GRIN2D: variants seen among roughly 807,000 people sequenced by gnomAD.
GRIN2D encodes the protein glutamate ionotropic receptor NMDA type subunit 2D, also known as glutamate receptor ionotropic, NMDA 2D.
Under a neutral mutation model 103.2 loss-of-function variants are expected in GRIN2D, and 37 were observed. The ratio of observed to expected loss-of-function variants is 0.36; its 90% confidence interval spans 0.28 to 0.47. GRIN2D has a LOEUF of 0.47. Ranked by LOEUF, GRIN2D falls within the 20% of genes least tolerant of loss-of-function variation. GRIN2D has a pLI of 1.00. For missense variants in GRIN2D, 1,557 were observed against 1,910.6 expected (o/e 0.81, Z 3.45); for synonymous variants, 845 against 885.6 (o/e 0.95, Z 0.81).
chr19:48,433,829 C>T (rs563350295), intron 11 of GRIN2D, among the ~76,000 whole-genome samples: 2 of 152,292 alleles, frequency 1.3e-5, no homozygotes, highest in South Asian at 2.1e-4. Flanking sequence ...CCTTTTTCCA[C>T]GGAGAAAGCC....
chr19:48,442,369 T>C lies in GRIN2D; in HGVS notation c.2660T>C (p.Leu887Pro). 6.8e-6 allele frequency: 11 copies of C among 1,611,170 alleles called. No homozygotes were observed. The highest frequency in any genetic ancestry group is 9.3e-6 in the Non-Finnish European group (11 of 1,179,594). ...CCCACCCACCGCATGGACTTCCTGC[T>C]GGCCTTCTCCAGGGTATGGGGCAGA... Reference protein sequence around the residue: ...LGPTHRMDFLLAFSRGMYSCC... With the variant: ...LGPTHRMDFLPAFSRGMYSCC... Residue 887 changes from leucine (L) to proline (P), a missense_variant, in exon 13 of 14, where the codon CTG becomes CCG. Physicochemically the swap from Leu to Pro is moderately conservative, Grantham distance 98 (BLOSUM62 -3). Around this residue, in one of 7 missense-constraint regions of GRIN2D, gnomAD observed 632 missense variants for 572.8 expected, o/e 1.10. Transcript: ENST00000263269. This position sits in a 1 kb window ranked among gnomAD's most constrained non-coding sequence, Gnocchi z 7.2.
rs1363707545 is a variant in GRIN2D, at chr19:48,421,654, G to C, written c.2092-131G>C. 1.4e-6 allele frequency: 1 copy of C among 703,642 alleles called. No homozygotes were observed. The highest frequency in any genetic ancestry group is 2.6e-5 in the Admixed American group (1 of 38,196). 43.6% of individuals were successfully genotyped at this position (703,642 alleles called of 1,614,324 possible). On this transcript the variant is annotated intron_variant, in intron 10 of 13. Transcript: ENST00000263269. The surrounding 1 kb of genome is among the most constrained non-coding windows in gnomAD (Gnocchi z 4.8). ...AAAAGCATTCCCTAATGTAGTGAGC[G>C]AGTGTTGAGAAATATTGAACACTCC...
intron 8 of GRIN2D, among the ~76,000 whole-genome samples, chr19:48,417,680 G>T (rs1002682339): frequency 2.0e-5 from 3 of 152,298 alleles, no homozygotes; most frequent in African/African-American, 4.8e-5. Context: ...GCAGCACACT[G>T]CAGAGGAGTG....
chr19:48,429,907 C>T (rs558867511), intron 11 of GRIN2D, among the ~76,000 whole-genome samples: 1 of 152,184 alleles, frequency 6.6e-6, no homozygotes, highest in South Asian at 2.1e-4. Context: ...TTCTCTCAGC[C>T]CAGAGGAATC....
At position 48,398,586 on chromosome 19, in the gene GRIN2D, A is replaced by AGGCGGCACGCCTGGGCCCGGCCGT; in HGVS notation, c.201_224dup (p.Arg68_Ala75dup). The AGGCGGCACGCCTGGGCCCGGCCGT allele has an allele frequency of 8.3e-7, 1 of 1,199,566 alleles. No homozygotes were observed. Among genetic ancestry groups the AGGCGGCACGCCTGGGCCCGGCCGT allele is most frequent in the Non-Finnish European group, 1.0e-6 (1 of 968,048 alleles). The allele number at this position is 1,199,566 out of a possible 1,614,324, so 74.3% of individuals were successfully genotyped here. On this transcript the variant is annotated inframe_insertion, in exon 3 of 14. Coordinates refer to ENST00000263269, the MANE Select transcript of GRIN2D (RefSeq NM_000836.4). ...TTCTCGGGGCCCGCGTACGCGGCCG[A>AGGCGGCACGCCTGGGCCCGGCCGT]GGCGGCACGCCTGGGCCCGGCCGTG... is the stretch of plus-strand genomic sequence containing the variant.
rs996284559 is a variant in GRIN2D at position 48,409,576 on chromosome 19, C to T, written c.1085+4223C>T. ...ACGGGCGTGAGCCACTGCACCTGGC[C>T]GTAAATTTCAATATGAGTTTTGGAG... is the stretch of plus-strand genomic sequence containing the variant. On this transcript the variant is annotated intron_variant, in intron 4 of 13. Transcript: ENST00000263269. 4.6e-5 allele frequency among the ~76,000 whole-genome samples: 7 copies of T among 152,088 alleles called. No homozygotes were observed. In the East Asian group the frequency reaches 5.8e-4, roughly 13 times the overall value.
Position 48,433,089 on chromosome 19 carries a change from C to T in GRIN2D, c.2253-8680C>T, listed in dbSNP as rs1178016693. Among the ~76,000 whole-genome samples, 12 of 140,726 alleles carry T rather than the reference C, an allele frequency of 8.5e-5. No individual in the cohort carries two copies. The South Asian group carries it at 2.5e-3, about 30-fold the overall frequency. 92.3% of individuals were successfully genotyped at this position (140,726 alleles called of 152,430 possible). A position where few individuals can be genotyped will look rare whatever the true frequency, so the allele number is the denominator to read the frequency against. On this transcript the variant is annotated intron_variant, in intron 11 of 13. Transcript: ENST00000263269. Reference sequence around the variant, plus strand: ...TACAGGCGTGACACCACCTGCAATACAGGTGCAATGGCTCACACCTGTAAT... The same window carrying T: ...TACAGGCGTGACACCACCTGCAATATAGGTGCAATGGCTCACACCTGTAAT...
chr19:48,427,804 C>G (rs1971105926), intron 11 of GRIN2D, among the ~76,000 whole-genome samples: 1 of 151,942 alleles, frequency 6.6e-6, no homozygotes, highest in Non-Finnish European at 1.5e-5. Context: ...TTTTAATTTA[C>G]TTTGATGTTT....
At chr19:48,437,859 C>T (rs1971249248) in intron 11 of GRIN2D, among the ~76,000 whole-genome samples, 2 of 152,160 alleles carry the variant, frequency 1.3e-5, no homozygotes, top group African/African-American at 4.8e-5. Context: ...CTCGCCTATA[C>T]TTATATTCCA....
Position 48,414,888 on chromosome 19 carries a change from G to A in GRIN2D, c.1437G>A (p.Pro479=). The change falls in exon 7 of 14, where the codon CCG becomes CCA. Residue 479 remains proline (P), a synonymous_variant. Transcript: ENST00000263269. This position sits in a 1 kb window ranked among gnomAD's most constrained non-coding sequence, Gnocchi z 4.6. ...GCCCTCCACCGGATGCCCCCCGCCC[G>A]GAAAAGCGCTGCTGCAAGGGTTTCT... ...THSPPPDAPR[P]EKRCCKGFCI... 1.2e-6 allele frequency: 2 copies of A among 1,614,090 alleles called. No individual in the cohort carries two copies. Among genetic ancestry groups the A allele is most frequent in the Non-Finnish European group, 1.7e-6 (2 of 1,180,022 alleles).
chr19:48,399,917 A>T (rs955983336), intron 3 of GRIN2D, among the ~76,000 whole-genome samples: 31 of 151,518 alleles, frequency 2.0e-4, no homozygotes, highest in African/African-American at 7.5e-4. Context: ...TAAGCACTCT[A>T]ATAAAGGGGT....
intron 11 of GRIN2D, among the ~76,000 whole-genome samples, chr19:48,437,902 T>C (rs1010821424): frequency 6.6e-6 from 1 of 152,306 alleles, no homozygotes; most frequent in African/African-American, 2.4e-5. Flanking sequence ...TTAGGATCTA[T>C]ATAAAATTAA....
intron 11 of GRIN2D, 57 bp downstream of exon 11, chr19:48,422,002 T>C: frequency 5.2e-6 from 8 of 1,550,952 alleles, no homozygotes; most frequent in Non-Finnish European, 7.1e-6. Context: ...CTGAGGATGC[T>C]CAAAGATGGC....
intron 4 of GRIN2D, among the ~76,000 whole-genome samples, chr19:48,406,642 C>T (rs1970795090): frequency 6.6e-6 from 1 of 152,204 alleles, no homozygotes; most frequent in African/African-American, 2.4e-5. Flanking sequence ...GCGCTGGGAA[C>T]ATAGATGAAT....
Position 48,432,729 on chromosome 19 carries a change from GA to G in GRIN2D, c.2253-9039del, listed in dbSNP as rs560458951. Among the ~76,000 whole-genome samples, 3 of 151,428 alleles carry G rather than the reference GA, an allele frequency of 2.0e-5. No homozygotes were observed. The South Asian group carries it at 6.3e-4, about 32-fold the overall frequency. On this transcript the variant is annotated intron_variant, in intron 11 of 13. Coordinates refer to ENST00000263269, the MANE Select transcript of GRIN2D (RefSeq NM_000836.4). ...CCACCTTGGCCTCCAAAAGTGTTAG[GA>G]TTACAGGTGTGAGGCACCATGCCTG...
chr19:48,404,633 C>A, intron 3 of GRIN2D, 101 bp from the exon 4 acceptor site: 3 of 1,190,854 alleles, frequency 2.5e-6, no homozygotes, highest in East Asian at 2.4e-5. Context: ...GTGAACCTGT[C>A]GAGTCAGTCT....
intron 11 of GRIN2D, among the ~76,000 whole-genome samples, chr19:48,427,093 G>A (rs1192039409): frequency 6.6e-6 from 1 of 151,986 alleles, no homozygotes; most frequent in African/African-American, 2.4e-5. Context: ...GCTGAGGCAG[G>A]CAGGTCACTT....
intron 4 of GRIN2D, among the ~76,000 whole-genome samples, chr19:48,412,397 GAAAAGAAAGAAAGAAAGA>G (rs1163530654): frequency 7.7e-6 from 1 of 129,296 alleles, no homozygotes; most frequent in Non-Finnish European, 1.7e-5. Flanking sequence ...GAAAGAGAAA[GAAAAGAAAGAAAGAAAGA>G]GAAAGAAAAG....
chr19:48,440,068 G>T (rs925175791), intron 11 of GRIN2D, among the ~76,000 whole-genome samples: 1 of 151,980 alleles, frequency 6.6e-6, no homozygotes, highest in East Asian at 1.9e-4. Context: ...AAAATTAGCC[G>T]TGTGTGGTGG....
Sources: allele counts gnomAD v4.1 joint callset (sites outside exome capture counted in the v4.1 genomes callset), GRCh38; gene constraint gnomAD v4.1.1; regional missense constraint gnomAD v4.1.1; non-coding constraint Gnocchi (gnomAD v3.1); transcripts MANE v1.5; gene names NCBI Gene and HGNC (gene_info 2026-07-23, HGNC 2026-07-21).